Variants in MAGI1 observed in about 807,000 individuals in gnomAD.
The protein encoded by MAGI1 is membrane associated guanylate kinase, WW and PDZ domain containing 1.
MAGI1 carries 58 observed loss-of-function variants against 139.9 expected under a neutral mutation model. The ratio of observed to expected loss-of-function variants is 0.41; its 90% CI spans 0.34 to 0.52. MAGI1 has a LOEUF of 0.52. Ranked by LOEUF, MAGI1 falls within the 20% of genes least tolerant of loss-of-function variation. The pLI is 0.12. For synonymous variants in MAGI1, 812 were observed against 737.9 expected, an observed-to-expected ratio of 1.10 and a Z score of -1.63; for missense variants, 1,874 against 1,901.6, an observed-to-expected ratio of 0.99 and a Z score of 0.27.
intron 1 of MAGI1, among the ~76,000 whole-genome samples, chr3:65,978,163 A>C (rs3861851): frequency 0.99 from 150,920 of 152,330 alleles, 74,786 homozygotes; most frequent in East Asian, 1. Flanking sequence ...TTACTATGTG[A>C]CAGGCTCAGT....
At chr3:65,734,100 A>G (rs1386696428) in intron 1 of MAGI1, among the ~76,000 whole-genome samples, 1 of 152,208 alleles carries the variant, frequency 6.6e-6, no homozygotes, top group Non-Finnish European at 1.5e-5. Context: ...CATGGCTGAC[A>G]GGGTTTGGAG....
chr3:65,405,073 C>A (rs566849793), intron 12 of MAGI1, among the ~76,000 whole-genome samples: 3 of 152,144 alleles, frequency 2.0e-5, no homozygotes, highest in Non-Finnish European at 2.9e-5. Flanking sequence ...TGGCAGCATC[C>A]GCTCTTAGGG....
At position 65,596,717 on chromosome 3, in the gene MAGI1, C is replaced by A. The variant is rs147133656; in HGVS notation, c.430+25255G>T. The stretch of plus-strand genomic sequence containing the variant: ...GAAGGGAGGCATAGCCTTCCTGAAT[C>A]TTCAAAAATCCCCCAGCCTTCCGGG... On this transcript the variant is annotated intron_variant, in intron 2 of 22. Transcript: ENST00000402939. 5.3e-5 allele frequency among the ~76,000 whole-genome samples: 8 copies of A among 152,288 alleles called. No individual in the cohort carries two copies. The East Asian group carries it at 1.5e-3, about 29-fold the overall frequency.
At chr3:65,712,416 A>G (rs1195797030) in intron 1 of MAGI1, among the ~76,000 whole-genome samples, 1 of 151,154 alleles carries the variant, frequency 6.6e-6, no homozygotes, top group Non-Finnish European at 1.5e-5. Context: ...ATCCAGCTGC[A>G]GCTACCATCT....
chr3:65,782,897 A>C (rs2039051213), intron 1 of MAGI1, among the ~76,000 whole-genome samples: 1 of 150,780 alleles, frequency 6.6e-6, no homozygotes, highest in African/African-American at 2.5e-5. Context: ...GAGCTAAATT[A>C]TTAAACTCTT....
chr3:65,751,563 G>A (rs2036156176), intron 1 of MAGI1, among the ~76,000 whole-genome samples: 1 of 152,146 alleles, frequency 6.6e-6, no homozygotes, highest in South Asian at 2.1e-4. Flanking sequence ...CTTACCAAGA[G>A]GACAAGACAA....
intron 1 of MAGI1, among the ~76,000 whole-genome samples, chr3:65,774,832 G>A (rs555738370): frequency 3.3e-5 from 5 of 152,216 alleles, no homozygotes; most frequent in South Asian, 2.1e-4. Flanking sequence ...ACACTAACTC[G>A]CCTTAGGCAA....
At chr3:65,508,268 G>C (rs997262016) in intron 2 of MAGI1, among the ~76,000 whole-genome samples, 3 of 152,024 alleles carry the variant, frequency 2.0e-5, no homozygotes, top group African/African-American at 7.2e-5. Context: ...GCCGGGCGTG[G>C]CAGTGGGCGC....
At chr3:65,830,793 GA>G (rs1165112150) in intron 1 of MAGI1, among the ~76,000 whole-genome samples, 1 of 152,098 alleles carries the variant, frequency 6.6e-6, no homozygotes, top group Non-Finnish European at 1.5e-5. Flanking sequence ...TAAATATAAA[GA>G]AACAATGGGA....
rs999789361 is a variant in MAGI1 at position 65,414,943 on chromosome 3, C to T, written c.2168-13473G>A. Among the ~76,000 whole-genome samples the T allele has an allele frequency of 8.8e-5, 13 of 147,352 alleles. No individual in the cohort carries two copies. The East Asian group carries it at 1.0e-3, about 11-fold the overall frequency. ...ACTCGGGAGGCTGAGGCAAGATAAT[C>T]GCTTGAACCCGGGAGGCAGAGGTTG... On this transcript the variant is annotated intron_variant, in intron 12 of 22. Coordinates refer to ENST00000402939, the MANE Select transcript of MAGI1 (RefSeq NM_001033057.2).
At chr3:65,418,214 T>C (rs1946370023) in intron 12 of MAGI1, among the ~76,000 whole-genome samples, 2 of 152,286 alleles carry the variant, frequency 1.3e-5, no homozygotes, top group Middle Eastern at 3.4e-3. Flanking sequence ...TATCCAAATA[T>C]GTATGGCACA....
chr3:65,887,731 G>T (rs78248682), intron 1 of MAGI1, among the ~76,000 whole-genome samples: 1 of 152,156 alleles, frequency 6.6e-6, no homozygotes, highest in Non-Finnish European at 1.5e-5. Flanking sequence ...AATTTGGATA[G>T]TAAGTCAGTT....
intron 1 of MAGI1, among the ~76,000 whole-genome samples, chr3:65,819,379 T>G (rs2041804588): frequency 1.3e-5 from 2 of 152,216 alleles, no homozygotes; most frequent in African/African-American, 4.8e-5. Context: ...TATCATTGCT[T>G]AATTCACTTG....
At chr3:65,786,828 G>C (rs552513405) in intron 1 of MAGI1, among the ~76,000 whole-genome samples, 132 of 151,984 alleles carry the variant, frequency 8.7e-4, no homozygotes, top group African/African-American at 3.0e-3. Flanking sequence ...TGTTAGCCAG[G>C]ATGTTCTCGA....
At chr3:65,635,635 G>T (rs965874115) in intron 1 of MAGI1, among the ~76,000 whole-genome samples, 3 of 152,170 alleles carry the variant, frequency 2.0e-5, no homozygotes, top group Non-Finnish European at 4.4e-5. Context: ...AGGGTTTTAG[G>T]AATCTGCTGA....
chr3:65,732,219 T>C (rs765162628), intron 1 of MAGI1, among the ~76,000 whole-genome samples: 18 of 152,202 alleles, frequency 1.2e-4, no homozygotes, highest in Non-Finnish European at 2.2e-4. Context: ...TGTGCTAGGA[T>C]TGCAGTCCAG....
chr3:65,535,103 G>C (rs1418102920), intron 2 of MAGI1, among the ~76,000 whole-genome samples: 2 of 152,080 alleles, frequency 1.3e-5, no homozygotes, highest in Non-Finnish European at 2.9e-5. Flanking sequence ...CTTCTTGGTG[G>C]TGTTGTTCTT....
In MAGI1 at chr3:65,763,189, A is replaced by C. The variant is rs144274047; in HGVS notation, c.314-141101T>G. Reference sequence around the variant, plus strand: ...CATCAAGGATGGGAAGCTGAGACCAAGAGAGTTCTGTATAAACAGACCTTG... The same window carrying C: ...CATCAAGGATGGGAAGCTGAGACCACGAGAGTTCTGTATAAACAGACCTTG... On this transcript the variant is annotated intron_variant, in intron 1 of 22. Transcript: ENST00000402939. Among the ~76,000 whole-genome samples the C allele has an allele frequency of 5.1e-4, 77 of 152,328 alleles. No individual in the cohort carries two copies. The East Asian group carries it at 0.013, about 26-fold the overall frequency.
chr3:65,858,358 T>C (rs1028771170), intron 1 of MAGI1, among the ~76,000 whole-genome samples: 8 of 152,162 alleles, frequency 5.3e-5, no homozygotes, highest in African/African-American at 1.9e-4. Context: ...GAAAAGGAGC[T>C]CAGCCTACCA....
Sources: gnomAD v4.1 joint callset for allele counts (sites outside exome capture counted in the v4.1 genomes callset) on GRCh38, gnomAD v4.1.1 for gene constraint, MANE v1.5 for transcripts, NCBI Gene and HGNC (gene_info 2026-07-23, HGNC 2026-07-21) for gene names.